The following TGFBR2 variants were observed in gnomAD, a reference collection of about 807,000 sequenced individuals.
TGFBR2 encodes the protein TGF-beta receptor type-2.
TGFBR2 carries 18 observed loss-of-function variants against 49.0 expected under a neutral mutation model. The observed-to-expected ratio is 0.37, with a 90% CI of 0.25 to 0.54. The LOEUF is 0.54. Ranked by LOEUF, TGFBR2 falls within the 20% of genes least tolerant of loss-of-function variation. The probability of loss-of-function intolerance (pLI) is 0.85; values close to 1 mark genes in which losing one functional copy is unlikely to be tolerated. For missense variants in TGFBR2, 525 were observed against 722.6 expected (o/e 0.73, Z 3.13); for synonymous variants, 282 against 275.9 (o/e 1.02, Z -0.22).
intron 1 of TGFBR2, among the ~76,000 whole-genome samples, chr3:30,629,363 C>T (rs1178619610): frequency 6.6e-6 from 1 of 152,108 alleles, no homozygotes; most frequent in Non-Finnish European, 1.5e-5. Flanking sequence ...TTGGCTCTGG[C>T]CCTCCACTTT....
chr3:30,613,548 GAGAA>G (rs1698071689), intron 1 of TGFBR2, among the ~76,000 whole-genome samples: 3 of 150,008 alleles, frequency 2.0e-5, no homozygotes, highest in Admixed American at 6.6e-5. Context: ...GAGAGAGAGA[GAGAA>G]AGAGAGAGAG....
chr3:30,650,621 GGTTT>G (rs1698865323), intron 3 of TGFBR2, among the ~76,000 whole-genome samples, 161 bp downstream of exon 3: 1 of 152,084 alleles, frequency 6.6e-6, no homozygotes, highest in East Asian at 1.9e-4. Context: ...GGAGTAGCAG[GGTTT>G]GTTCTGGTTC....
At chr3:30,673,694 T>C (rs947378022) in intron 4 of TGFBR2, among the ~76,000 whole-genome samples, 9 of 152,112 alleles carry the variant, frequency 5.9e-5, no homozygotes, top group African/African-American at 2.2e-4. Context: ...GCAATTATTA[T>C]TTTTACCATA....
chr3:30,691,053 TAGAA>T (rs1364061143), intron 6 of TGFBR2, among the ~76,000 whole-genome samples: 2 of 152,160 alleles, frequency 1.3e-5, no homozygotes, highest in Non-Finnish European at 1.5e-5. Context: ...CTTCTCTAAA[TAGAA>T]AGGTGTTGAA....
At chr3:30,627,813 A>G (rs1698361012) in intron 1 of TGFBR2, among the ~76,000 whole-genome samples, 2 of 151,708 alleles carry the variant, frequency 1.3e-5, no homozygotes, top group African/African-American at 4.9e-5. Flanking sequence ...TTTTTATTTC[A>G]GTTAACTTGA....
intron 5 of TGFBR2, among the ~76,000 whole-genome samples, chr3:30,678,690 C>T (rs930600253): frequency 1.5e-4 from 23 of 151,950 alleles, no homozygotes; most frequent in African/African-American, 5.1e-4. Context: ...AGTGTGGCTG[C>T]TTGGATTTCT....
intron 1 of TGFBR2, among the ~76,000 whole-genome samples, chr3:30,620,035 A>C (rs1698199071): frequency 6.6e-6 from 1 of 152,048 alleles, no homozygotes. Context: ...AAAGTACAAA[A>C]AATTAGCTGG....
In TGFBR2 at chr3:30,694,053, C is replaced by T; in HGVS notation, c.*2454C>T. 1 of 230,390 alleles carries T rather than the reference C, an allele frequency of 4.3e-6. No individual in the cohort carries two copies. The highest frequency in any genetic ancestry group is 8.6e-6 in the Non-Finnish European group (1 of 116,042). 14.3% of individuals were successfully genotyped at this position (230,390 alleles called of 1,614,324 possible). A position where few individuals can be genotyped will look rare whatever the true frequency, so the allele number is the denominator to read the frequency against. The stretch of plus-strand genomic sequence containing the variant: ...TATTTTTATTCTATGCATTGTTTGT[C>T]TTTTACATAAATAAAATGTTTATTA... On this transcript the variant is annotated 3_prime_UTR_variant, in exon 7 of 7. Coordinates refer to ENST00000295754, the MANE Select transcript of TGFBR2 (RefSeq NM_003242.6).
chr3:30,634,907 C>T (rs1034548987), intron 1 of TGFBR2, among the ~76,000 whole-genome samples: 2 of 152,164 alleles, frequency 1.3e-5, no homozygotes, highest in Admixed American at 6.5e-5. Context: ...ATACCATTTG[C>T]ATTTATATGG....
At chr3:30,614,514 G>A (rs1344236348) in intron 1 of TGFBR2, among the ~76,000 whole-genome samples, 1 of 152,134 alleles carries the variant, frequency 6.6e-6, no homozygotes, top group Non-Finnish European at 1.5e-5. Flanking sequence ...ATGACTACCT[G>A]TCACGCCCAA....
intron 1 of TGFBR2, among the ~76,000 whole-genome samples, chr3:30,614,234 T>C (rs1698091717): frequency 6.6e-6 from 1 of 151,148 alleles, no homozygotes; most frequent in Non-Finnish European, 1.5e-5. Context: ...CTATTGTAAA[T>C]ATTTTATTTG....
intron 3 of TGFBR2, among the ~76,000 whole-genome samples, chr3:30,654,454 G>T (rs1698958680): frequency 6.6e-6 from 1 of 152,172 alleles, no homozygotes; most frequent in Non-Finnish European, 1.5e-5. Context: ...GGGCAGGCAG[G>T]GGTCAAGAAA....
intron 1 of TGFBR2, among the ~76,000 whole-genome samples, chr3:30,635,876 C>T (rs528547863): frequency 6.6e-6 from 1 of 152,282 alleles, no homozygotes; most frequent in East Asian, 1.9e-4. Flanking sequence ...GAGGAAATCA[C>T]ACACATAAAT....
intron 1 of TGFBR2, among the ~76,000 whole-genome samples, chr3:30,622,967 G>A (rs1698261353): frequency 6.7e-6 from 1 of 150,060 alleles, no homozygotes; most frequent in African/African-American, 2.4e-5. Flanking sequence ...AAAAAGAAGT[G>A]ATTTGAATAA....
At chr3:30,625,517 C>G (rs1245846110) in intron 1 of TGFBR2, among the ~76,000 whole-genome samples, 1 of 152,162 alleles carries the variant, frequency 6.6e-6, no homozygotes, top group Non-Finnish European at 1.5e-5. Context: ...TCAGATCTTT[C>G]AGACATTATC....
chr3:30,625,739 T>G (rs1222725662), intron 1 of TGFBR2, among the ~76,000 whole-genome samples: 3 of 152,130 alleles, frequency 2.0e-5, no homozygotes, highest in Non-Finnish European at 4.4e-5. Context: ...TATGAGAAAA[T>G]TAATTGGGTT....
At chr3:30,625,892 C>G (rs1224629334) in intron 1 of TGFBR2, among the ~76,000 whole-genome samples, 3 of 152,216 alleles carry the variant, frequency 2.0e-5, no homozygotes, top group African/African-American at 4.8e-5. Context: ...CATGCCCCAT[C>G]TCTAACTACT....
chr3:30,680,050 G>A (rs553000083), intron 5 of TGFBR2, among the ~76,000 whole-genome samples: 4 of 152,310 alleles, frequency 2.6e-5, no homozygotes, highest in African/African-American at 7.2e-5. Context: ...GCTTGAACCC[G>A]GGAGGCGGAG....
chr3:30,643,161 C>G (rs1009051005), intron 1 of TGFBR2, among the ~76,000 whole-genome samples: 6 of 152,146 alleles, frequency 3.9e-5, no homozygotes, highest in Non-Finnish European at 5.9e-5. Flanking sequence ...TGTGGAAAGG[C>G]ATTGAAAGTG....
Sources: gnomAD v4.1 joint callset for allele counts (sites outside exome capture counted in the v4.1 genomes callset) on GRCh38, gnomAD v4.1.1 for gene constraint, MANE v1.5 for transcripts, NCBI Gene and HGNC (gene_info 2026-07-23, HGNC 2026-07-21) for gene names.